Variants in E2F3 observed in about 807,000 individuals in gnomAD.
The protein encoded by E2F3 is E2F transcription factor 3.
A neutral mutation model predicts 44.4 loss-of-function variants in E2F3; 11 were observed. The observed-to-expected ratio is 0.25, with a 90% confidence interval of 0.16 to 0.41. The LOEUF (loss-of-function observed/expected upper bound fraction) is 0.41, where lower values mean the gene tolerates loss of function less well. E2F3 is among the 10% of genes least tolerant of loss of function. E2F3 has a pLI of 1.00. For missense variants in E2F3, 487 were observed against 583.6 expected (o/e 0.83, Z 1.70); for synonymous variants, 249 against 253.0 (o/e 0.98, Z 0.15).
chr6:20,453,473 G>A (rs1253411952), intron 1 of E2F3, among the ~76,000 whole-genome samples: 1 of 152,116 alleles, frequency 6.6e-6, no homozygotes, highest in Non-Finnish European at 1.5e-5. Flanking sequence ...GGAGTGCAGT[G>A]GTGCAGTGAC....
chr6:20,443,953 T>A (rs1218462478), intron 1 of E2F3, among the ~76,000 whole-genome samples: 1 of 152,102 alleles, frequency 6.6e-6, no homozygotes, highest in African/African-American at 2.4e-5. Flanking sequence ...GTCTCACTCC[T>A]GTAATCCCAG....
intron 1 of E2F3, among the ~76,000 whole-genome samples, chr6:20,417,574 C>T (rs1759888538): frequency 6.8e-6 from 1 of 147,894 alleles, no homozygotes; most frequent in Admixed American, 6.6e-5. Context: ...ATTTTTATTT[C>T]CTGATAATGG....
chr6:20,420,008 G>A (rs1759971779), intron 1 of E2F3, among the ~76,000 whole-genome samples: 1 of 152,170 alleles, frequency 6.6e-6, no homozygotes, highest in Non-Finnish European at 1.5e-5. Context: ...TGGGACTAGT[G>A]GCGCATGCCA....
At chr6:20,413,424 C>T (rs948026149) in intron 1 of E2F3, among the ~76,000 whole-genome samples, 1 of 152,216 alleles carries the variant, frequency 6.6e-6, no homozygotes, top group African/African-American at 2.4e-5. Context: ...TATCTCAGCT[C>T]TTCCTCGTTT....
chr6:20,413,020 C>T (rs962085355), intron 1 of E2F3, among the ~76,000 whole-genome samples: 15 of 152,124 alleles, frequency 9.9e-5, no homozygotes, highest in Admixed American at 8.5e-4. Flanking sequence ...CCTTGTTCTA[C>T]ACAGGGAAGC....
At chr6:20,449,447 C>T (rs893925436) in intron 1 of E2F3, among the ~76,000 whole-genome samples, 1 of 152,092 alleles carries the variant, frequency 6.6e-6, no homozygotes, top group African/African-American at 2.4e-5. Flanking sequence ...CCTTAATAAG[C>T]TTTTCAGACA....
intron 1 of E2F3, among the ~76,000 whole-genome samples, chr6:20,438,202 T>G (rs1372079155): frequency 1.3e-5 from 2 of 152,216 alleles, no homozygotes; most frequent in African/African-American, 4.8e-5. Context: ...TACACAGTCG[T>G]GAGGATTCAT....
intron 1 of E2F3, among the ~76,000 whole-genome samples, chr6:20,419,376 T>G (rs1000127947): frequency 6.6e-6 from 1 of 152,180 alleles, no homozygotes; most frequent in Non-Finnish European, 1.5e-5. Flanking sequence ...AAAATGCTGA[T>G]AGATTAGATA....
intron 1 of E2F3, among the ~76,000 whole-genome samples, chr6:20,460,839 T>C (rs767256532): frequency 2.0e-5 from 3 of 151,236 alleles, no homozygotes; most frequent in Non-Finnish European, 4.4e-5. Flanking sequence ...CTACTAAAAA[T>C]ACAAAAATTA....
intron 1 of E2F3, among the ~76,000 whole-genome samples, chr6:20,437,480 CTTTT>C (rs56864400): frequency 1.4e-5 from 2 of 145,626 alleles, no homozygotes; most frequent in African/African-American, 5.0e-5. Context: ...AAAGAATTGT[CTTTT>C]TTTTTTCAAA....
chr6:20,482,634 TA>T, intron 3 of E2F3, 127 bp from the exon 4 acceptor site: 1 of 564,848 alleles, frequency 1.8e-6, no homozygotes, highest in Non-Finnish European at 2.8e-6. Context: ...GTAAATGTTC[TA>T]ATTTTAACAC....
chr6:20,457,948 C>T (rs73384619), intron 1 of E2F3, among the ~76,000 whole-genome samples: 9,016 of 152,036 alleles, frequency 0.059, 524 homozygotes, highest in African/African-American at 0.15. Context: ...GCTTTTGGAT[C>T]GCTATTCCAG....
rs1478024248 is a variant in E2F3, at chr6:20,492,986, A to AGC, written c.*2557_*2558dup. On this transcript the variant is annotated 3_prime_UTR_variant, in exon 7 of 7. Transcript: ENST00000346618. ...CAAGTGTGCAAATTATGACTGCGTG[A>AGC]GCCTTAGAAAATAAAATGTATAAAG... The AGC allele has an allele frequency of 3.7e-5, 8 of 214,802 alleles. No homozygotes were observed. Among genetic ancestry groups the AGC allele is most frequent in the Admixed American group, 1.8e-4 (3 of 17,128 alleles). 13.3% of individuals were successfully genotyped at this position (214,802 alleles called of 1,614,324 possible). A position where few individuals can be genotyped will look rare whatever the true frequency, so the allele number is the denominator to read the frequency against.
intron 4 of E2F3, among the ~76,000 whole-genome samples, chr6:20,484,598 G>A (rs1212293729): frequency 6.6e-6 from 1 of 152,140 alleles, no homozygotes; most frequent in African/African-American, 2.4e-5. Context: ...TTCTTTGATG[G>A]GTTATGTAGT....
intron 1 of E2F3, among the ~76,000 whole-genome samples, chr6:20,470,253 C>T (rs890471703): frequency 6.6e-6 from 1 of 152,196 alleles, no homozygotes; most frequent in Admixed American, 6.5e-5. Context: ...CTGCAGTATT[C>T]ATTCATAATA....
chr6:20,475,583 C>T (rs1452029891), intron 1 of E2F3, among the ~76,000 whole-genome samples: 1 of 152,208 alleles, frequency 6.6e-6, no homozygotes, highest in African/African-American at 2.4e-5. Flanking sequence ...GAGGCACCAA[C>T]CTCCACCTCC....
chr6:20,471,752 CT>C (rs1761897763), intron 1 of E2F3, among the ~76,000 whole-genome samples: 1 of 152,036 alleles, frequency 6.6e-6, no homozygotes, highest in South Asian at 2.1e-4. Flanking sequence ...AGACACATTG[CT>C]TTTTCAAATA....
At chr6:20,464,333 C>A (rs1486409668) in intron 1 of E2F3, among the ~76,000 whole-genome samples, 1 of 152,196 alleles carries the variant, frequency 6.6e-6, no homozygotes. Flanking sequence ...TCCAGCAGCT[C>A]CTCACACAGT....
chr6:20,482,180 G>A (rs7747931), intron 3 of E2F3, among the ~76,000 whole-genome samples: 74,390 of 151,760 alleles, frequency 0.49, 18,662 homozygotes, highest in Middle Eastern at 0.61. Context: ...TTGGTAACCC[G>A]TTTTGGCCTC....
Sources: allele counts gnomAD v4.1 joint callset (sites outside exome capture counted in the v4.1 genomes callset), GRCh38; gene constraint gnomAD v4.1.1; transcripts MANE v1.5; gene names NCBI Gene and HGNC (gene_info 2026-07-23, HGNC 2026-07-21).